NEURL1: variants seen among roughly 807,000 people sequenced by gnomAD.
The protein encoded by NEURL1 is neuralized E3 ubiquitin protein ligase 1.
Under a neutral mutation model 41.2 loss-of-function variants are expected in NEURL1, and 26 were observed. That is an observed-to-expected ratio of 0.63 (90% CI 0.46 to 0.87). The LOEUF (loss-of-function observed/expected upper bound fraction) is 0.87. Ranked by LOEUF, NEURL1 falls within the 40% of genes least tolerant of loss-of-function variation. The pLI, the probability that NEURL1 is intolerant of heterozygous loss-of-function variation, is 0.00. For synonymous variants in NEURL1, 400 were observed against 402.3 expected (o/e 0.99, Z 0.07); for missense variants, 761 against 871.1 (o/e 0.87, Z 1.59).
intron 1 of NEURL1, among the ~76,000 whole-genome samples, chr10:103,564,418 A>T (rs1416906456): frequency 6.6e-6 from 1 of 152,090 alleles, no homozygotes; most frequent in Non-Finnish European, 1.5e-5. Flanking sequence ...TCTGTAGAGC[A>T]GTTGTGCAGC....
intron 1 of NEURL1, among the ~76,000 whole-genome samples, chr10:103,514,152 G>C (rs1332487758): frequency 6.6e-6 from 1 of 151,154 alleles, no homozygotes; most frequent in Non-Finnish European, 1.5e-5. Context: ...GTAGTGGCAC[G>C]ATCTTGGCTC....
chr10:103,530,756 G>C (rs2034553254), intron 1 of NEURL1, among the ~76,000 whole-genome samples: 1 of 151,838 alleles, frequency 6.6e-6, no homozygotes. Context: ...GGCCAGGCTG[G>C]TCTGTAACTC....
At chr10:103,551,600 G>A (rs193251509) in intron 1 of NEURL1, among the ~76,000 whole-genome samples, 143 of 152,246 alleles carry the variant, frequency 9.4e-4, no homozygotes, top group African/African-American at 3.3e-3. Flanking sequence ...CACTGTGCCC[G>A]GCCCCAAATG....
At position 103,571,039 on chromosome 10, in the gene NEURL1, A is replaced by G; in HGVS notation, c.253A>G (p.Arg85Gly). 1.2e-6 allele frequency: 2 copies of G among 1,613,988 alleles called. No homozygotes were observed. The highest frequency in any genetic ancestry group is 1.7e-6 in the Non-Finnish European group (2 of 1,179,996). Residue 85 changes from arginine to glycine, a missense_variant, in exon 2 of 6, where the codon AGG becomes GGG. Arg to Gly is a moderately radical substitution (Grantham distance 125). Coordinates refer to ENST00000369780, the MANE Select transcript of NEURL1 (RefSeq NM_004210.5). The part of the protein sequence containing the change: ...LMDLSHKAVK[R>G]QASFCNAITF... ...GGACCTCAGCCACAAGGCTGTCAAG[A>G]GGCAGGCCAGCTTCTGCAACGCCAT... is the stretch of plus-strand genomic sequence containing the variant.
At chr10:103,500,076 G>C (rs2033787543) in intron 1 of NEURL1, among the ~76,000 whole-genome samples, 1 of 152,202 alleles carries the variant, frequency 6.6e-6, no homozygotes, top group Non-Finnish European at 1.5e-5. Context: ...GAATGCAGCA[G>C]ACGGATCTAG....
chr10:103,570,557 G>A (rs1468535536), intron 1 of NEURL1, among the ~76,000 whole-genome samples: 3 of 150,378 alleles, frequency 2.0e-5, no homozygotes, highest in African/African-American at 7.3e-5. Flanking sequence ...TGCTACCATG[G>A]TAGGTGGTGA....
Position 103,545,796 on chromosome 10 carries a change from G to A in NEURL1, c.86-25076G>A, listed in dbSNP as rs2034912867. Among the ~76,000 whole-genome samples the A allele has an allele frequency of 1.3e-5, 2 of 152,156 alleles. No homozygotes were observed. Among genetic ancestry groups the A allele is most frequent in the African/African-American group, 4.8e-5 (2 of 41,422 alleles). On this transcript the variant is annotated intron_variant, in intron 1 of 5. Coordinates refer to ENST00000369780, the MANE Select transcript of NEURL1 (RefSeq NM_004210.5). The surrounding 1 kb of genome is among the most constrained non-coding windows in gnomAD (Gnocchi z 4.5). ...TATGCCTTGCAACCTGTGAGAGCTG[G>A]CACCCCCTGCCTCAGTCCCCACTTT...
In NEURL1 at chr10:103,584,703, A is replaced by G. The variant is rs1015479926; in HGVS notation, c.817A>G (p.Ile273Val). 2 of 1,451,724 alleles carry G rather than the reference A, an allele frequency of 1.4e-6. No individual in the cohort carries two copies. Among genetic ancestry groups the G allele is most frequent in the African/African-American group, 1.5e-5 (1 of 67,200 alleles). The allele number at this position is 1,451,724 out of a possible 1,614,324, so 89.9% of individuals were successfully genotyped here. A position where few individuals can be genotyped will look rare whatever the true frequency, so the allele number is the denominator to read the frequency against. The change falls in exon 4 of 6, where the codon ATC becomes GTC. Residue 273 changes from isoleucine (I) to valine (V), a missense_variant. Around this residue, in one of 5 missense-constraint regions of NEURL1, gnomAD observed 443 missense variants for 408.1 expected, o/e 1.09. Coordinates refer to ENST00000369780, the MANE Select transcript of NEURL1 (RefSeq NM_004210.5). ...GGCCGCGCCGGCCGCCGGCTGCCCC[A>G]TCCCGCAGAACTCACTCAACTCGCA... Reference protein sequence around the residue: ...DEAAPAAGCPIPQNSLNSQHS... With the variant: ...DEAAPAAGCPVPQNSLNSQHS...
Position 103,584,662 on chromosome 10 carries a change from G to A in NEURL1, c.776G>A (p.Gly259Asp). 3 of 1,426,092 alleles carry A rather than the reference G, an allele frequency of 2.1e-6. No individual in the cohort carries two copies. Among genetic ancestry groups the A allele is most frequent in the Non-Finnish European group, 2.7e-6 (3 of 1,096,130 alleles). The allele number at this position is 1,426,092 out of a possible 1,614,324, so 88.3% of individuals were successfully genotyped here. A position where few individuals can be genotyped will look rare whatever the true frequency, so the allele number is the denominator to read the frequency against. Residue 259 changes from glycine (G) to aspartate (D), a missense_variant, in exon 4 of 6, where the codon GGC becomes GAC. By Grantham distance (94) the Gly-to-Asp change is moderately conservative. This residue lies in a region of NEURL1 where 443 missense variants were observed against 408.1 expected (regional missense o/e 1.09). Coordinates refer to ENST00000369780, the MANE Select transcript of NEURL1 (RefSeq NM_004210.5). ...SVSLCDLNVP[G>D]ADGDEAAPAA... ...AGCCTATGCGACCTCAACGTGCCGGGCGCGGACGGCGACGAGGCCGCGCCG... is the reference window on the plus strand; with the variant it reads ...AGCCTATGCGACCTCAACGTGCCGGACGCGGACGGCGACGAGGCCGCGCCG...
intron 3 of NEURL1, among the ~76,000 whole-genome samples, chr10:103,580,811 A>T (rs1261752003): frequency 1.3e-5 from 2 of 152,086 alleles, no homozygotes; most frequent in Non-Finnish European, 2.9e-5. Flanking sequence ...CTCTAGCAAG[A>T]TTTCAAGCAA....
At chr10:103,581,165 T>C (rs1490086206) in intron 3 of NEURL1, among the ~76,000 whole-genome samples, 2 of 152,168 alleles carry the variant, frequency 1.3e-5, no homozygotes, top group African/African-American at 4.8e-5. Context: ...GCAGGTATTA[T>C]TACCCCTATT....
chr10:103,542,840 A>C (rs971861817), intron 1 of NEURL1, among the ~76,000 whole-genome samples: 1 of 152,132 alleles, frequency 6.6e-6, no homozygotes, highest in African/African-American at 2.4e-5. Flanking sequence ...AGTCACTGAC[A>C]CCCGGGGGCT....
intron 1 of NEURL1, among the ~76,000 whole-genome samples, chr10:103,559,886 ACACACATGCATG>A (rs2035247507): frequency 6.6e-6 from 1 of 151,834 alleles, no homozygotes; most frequent in Admixed American, 6.6e-5. Context: ...GCACACACAT[ACACACATGCATG>A]CACACACACA....
intron 1 of NEURL1, among the ~76,000 whole-genome samples, chr10:103,498,289 G>A (rs1020250594): frequency 2.0e-5 from 3 of 152,116 alleles, no homozygotes; most frequent in East Asian, 1.9e-4. Context: ...GTGCAGTGGC[G>A]CGATCTCGGC....
intron 1 of NEURL1, among the ~76,000 whole-genome samples, chr10:103,540,164 T>G (rs572996446): frequency 4.4e-4 from 67 of 152,358 alleles, no homozygotes; most frequent in African/African-American, 1.6e-3. Context: ...ACACAGCTGG[T>G]TAACATAGCA....
chr10:103,540,314 G>A (rs890287580), intron 1 of NEURL1, among the ~76,000 whole-genome samples: 34 of 151,440 alleles, frequency 2.2e-4, no homozygotes, highest in African/African-American at 8.3e-4. Flanking sequence ...TTTTGAGATG[G>A]AGTCTTGCTC....
intron 1 of NEURL1, among the ~76,000 whole-genome samples, chr10:103,516,655 G>A (rs1164472333): frequency 1.3e-5 from 2 of 152,112 alleles, no homozygotes; most frequent in East Asian, 3.9e-4. Flanking sequence ...AGGTCAGAGG[G>A]CCAGAGAGGC....
intron 1 of NEURL1, among the ~76,000 whole-genome samples, chr10:103,523,795 A>G (rs1219061038): frequency 6.6e-6 from 1 of 152,230 alleles, no homozygotes; most frequent in Non-Finnish European, 1.5e-5. Flanking sequence ...AAATGGCTAA[A>G]TAGTATTCCA....
intron 1 of NEURL1, among the ~76,000 whole-genome samples, chr10:103,551,994 C>T (rs973207376): frequency 5.3e-5 from 8 of 152,164 alleles, no homozygotes; most frequent in African/African-American, 1.9e-4. Flanking sequence ...TTCCCACAGT[C>T]CTGTGTCTGA....
Sources: allele counts gnomAD v4.1 joint callset (sites outside exome capture counted in the v4.1 genomes callset), GRCh38; gene constraint gnomAD v4.1.1; regional missense constraint gnomAD v4.1.1; non-coding constraint Gnocchi (gnomAD v3.1); transcripts MANE v1.5; gene names NCBI Gene and HGNC (gene_info 2026-07-23, HGNC 2026-07-21).